Variants in FZR1 observed in about 807,000 individuals in gnomAD.
FZR1 encodes the protein fizzy and cell division cycle 20 related 1, also known as fizzy-related protein homolog.
FZR1 carries 11 observed loss-of-function variants against 63.6 expected under a neutral mutation model. That is an observed-to-expected ratio of 0.17 (90% CI 0.11 to 0.29). The LOEUF is 0.29. FZR1 is among the 10% of genes least tolerant of loss of function. The probability of loss-of-function intolerance (pLI) is 1.00; values close to 1 mark genes in which losing one functional copy is unlikely to be tolerated. For missense variants in FZR1, 440 were observed against 687.5 expected (o/e 0.64, Z 4.03); for synonymous variants, 328 against 297.9 (o/e 1.10, Z -1.04).
At position 3,515,212 on chromosome 19, in the gene FZR1, G is replaced by A. The variant is rs372453743; in HGVS notation, c.-34-7744G>A. On this transcript the variant is annotated intron_variant, in intron 1 of 13. Transcript: ENST00000441788. This position sits in a 1 kb window ranked among gnomAD's most constrained non-coding sequence, Gnocchi z 4.6. ...CACTGATTCACTGCTGATGTGCAGC[G>A]AGGGTCCGGGTTGCTGCTAAACTCC... Among the ~76,000 whole-genome samples the A allele has an allele frequency of 4.6e-5, 7 of 152,334 alleles. No individual in the cohort carries two copies. The highest frequency in any genetic ancestry group is 1.4e-4 in the African/African-American group (6 of 41,576).
At chr19:3,528,800 T>C (rs2083192090) in intron 7 of FZR1, among the ~76,000 whole-genome samples, 1 of 124,184 alleles carries the variant, frequency 8.1e-6, no homozygotes, top group Non-Finnish European at 1.7e-5. Flanking sequence ...GGAGAGTGGA[T>C]GGGTACGTGG....
Position 3,526,694 on chromosome 19 carries a change from G to C in FZR1, c.388-286G>C, listed in dbSNP as rs2083161864. Among the ~76,000 whole-genome samples, 1 of 152,216 alleles carries C rather than the reference G, an allele frequency of 6.6e-6. No homozygotes were observed. The highest frequency in any genetic ancestry group is 1.5e-5 in the Non-Finnish European group (1 of 68,022). ...AAGCCGGTGGGGGTCCTGCCCGTAG[G>C]GGGCAGTACTGGGTCCTCCCACAGG... On this transcript the variant is annotated intron_variant, in intron 5 of 13. Coordinates refer to ENST00000441788, the MANE Select transcript of FZR1 (RefSeq NM_016263.4). The surrounding 1 kb of genome is among the most constrained non-coding windows in gnomAD (Gnocchi z 5.4).
chr19:3,527,104 T>C (rs1395870095), intron 6 of FZR1, 42 bp downstream of exon 6: 1 of 1,444,442 alleles, frequency 6.9e-7, no homozygotes, highest in Non-Finnish European at 9.7e-7. Flanking sequence ...ACTCCCTGTC[T>C]CCCGTCAGCA....
chr19:3,526,215 C>T lies in FZR1; in HGVS notation c.259+32C>T, dbSNP rs2083155951. 1 of 1,611,430 alleles carries T rather than the reference C, an allele frequency of 6.2e-7. No individual in the cohort carries two copies. The highest frequency in any genetic ancestry group is 8.5e-7 in the Non-Finnish European group (1 of 1,179,566). On this transcript the variant is annotated intron_variant, in intron 4 of 13. Coordinates refer to ENST00000441788, the MANE Select transcript of FZR1 (RefSeq NM_016263.4). The surrounding 1 kb of genome is among the most constrained non-coding windows in gnomAD (Gnocchi z 5.4). ...GTCCCAGCCCATCCGCCCTGCAGGC[C>T]CCCACCCTGCCTTGCCCCGCCTCAC...
At chr19:3,519,535 C>T (rs912685334) in intron 1 of FZR1, among the ~76,000 whole-genome samples, 24 of 152,172 alleles carry the variant, frequency 1.6e-4, no homozygotes, top group Non-Finnish European at 2.2e-4. Context: ...GGCTCCCTCA[C>T]CCCTGCTCTG....
Position 3,526,362 on chromosome 19 carries a change from G to A in FZR1, c.363G>A (p.Thr121=), listed in dbSNP as rs760425900. The A allele has an allele frequency of 9.4e-6, 15 of 1,596,516 alleles. No homozygotes were observed. Among genetic ancestry groups the A allele is most frequent in the African/African-American group, 1.3e-5 (1 of 74,402 alleles). The change falls in exon 5 of 14, where the codon ACG becomes ACA. Residue 121 remains threonine, a synonymous_variant. Transcript: ENST00000441788. The surrounding 1 kb of genome is among the most constrained non-coding windows in gnomAD (Gnocchi z 5.4). ...AGGACCGCAGGCTGCAGCCCTCCACGCCTGAGAAGAAGGGTCTGTTCACGG... is the reference window on the plus strand; with the variant it reads ...AGGACCGCAGGCTGCAGCCCTCCACACCTGAGAAGAAGGGTCTGTTCACGG... ...QTEDRRLQPS[T]PEKKGLFTYS...
rs2083150533 is a variant in FZR1 at position 3,525,791 on chromosome 19, G to C, written c.70-77G>C. 4.5e-6 allele frequency: 7 copies of C among 1,539,278 alleles called. No individual in the cohort carries two copies. Among genetic ancestry groups the C allele is most frequent in the Middle Eastern group, 2.2e-4 (1 of 4,578 alleles). On this transcript the variant is annotated intron_variant, in intron 2 of 13. Coordinates refer to ENST00000441788, the MANE Select transcript of FZR1 (RefSeq NM_016263.4). This position sits in a 1 kb window ranked among gnomAD's most constrained non-coding sequence, Gnocchi z 4.2. ...AGCCCCCTTTGCTCAGTGGCCAGAG[G>C]CTGAGAGAGGCTGGCCTGGGGGCAC...
In FZR1 at chr19:3,533,037, G is replaced by A. The variant is rs2083263653; in HGVS notation, c.1243-257G>A. Among the ~76,000 whole-genome samples the A allele has an allele frequency of 6.6e-6, 1 of 152,152 alleles. No homozygotes were observed. Among genetic ancestry groups the A allele is most frequent in the African/African-American group, 2.4e-5 (1 of 41,444 alleles). On this transcript the variant is annotated intron_variant, in intron 11 of 13. Coordinates refer to ENST00000441788, the MANE Select transcript of FZR1 (RefSeq NM_016263.4). This position sits in a 1 kb window ranked among gnomAD's most constrained non-coding sequence, Gnocchi z 4.9. ...GTCTCGGGGGTGACTTGCAGGTGGG[G>A]CAGAGGGGCTGTGGGCCCCGTTTGG...
intron 11 of FZR1, 44 bp downstream of exon 11, chr19:3,532,694 C>T (rs745843990): frequency 8.1e-6 from 11 of 1,357,224 alleles, no homozygotes; most frequent in African/African-American, 5.8e-5. Context: ...TCAGGATGTG[C>T]GTCCTGCTGG....
At position 3,514,792 on chromosome 19, in the gene FZR1, C is replaced by T. The variant is rs2083046745; in HGVS notation, c.-34-8164C>T. Among the ~76,000 whole-genome samples the T allele has an allele frequency of 6.6e-6, 1 of 152,150 alleles. No homozygotes were observed. The highest frequency in any genetic ancestry group is 6.5e-5 in the Admixed American group (1 of 15,280). ...TTTTTTCCACATATTTATCCCAGGG[C>T]GTCTCCCTCTGTACGGGGGCCCTGT... On this transcript the variant is annotated intron_variant, in intron 1 of 13. Coordinates refer to ENST00000441788, the MANE Select transcript of FZR1 (RefSeq NM_016263.4). This position sits in a 1 kb window ranked among gnomAD's most constrained non-coding sequence, Gnocchi z 4.2.
chr19:3,522,579 C>G (rs1233534146), intron 1 of FZR1, among the ~76,000 whole-genome samples: 1 of 152,188 alleles, frequency 6.6e-6, no homozygotes, highest in Non-Finnish European at 1.5e-5. Context: ...CCGTTGCAGA[C>G]GCACACGCAC....
At chr19:3,508,604 G>A (rs1347824685) in intron 1 of FZR1, among the ~76,000 whole-genome samples, 1 of 152,210 alleles carries the variant, frequency 6.6e-6, no homozygotes, top group Non-Finnish European at 1.5e-5. Context: ...TTGGTTCTGA[G>A]GACCTTTTGC....
intron 1 of FZR1, among the ~76,000 whole-genome samples, chr19:3,519,529 C>T (rs2083083156): frequency 6.6e-6 from 1 of 152,162 alleles, no homozygotes; most frequent in Admixed American, 6.5e-5. Context: ...AGCAGGGGCT[C>T]CCTCACCCCT....
At chr19:3,506,578 C>G (rs2082984609) in intron 1 of FZR1, 104 bp downstream of exon 1, 1 of 151,820 alleles carries the variant, frequency 6.6e-6, no homozygotes, top group Non-Finnish European at 1.5e-5. Flanking sequence ...GACCCCCACC[C>G]CAGCTCAGGC....
chr19:3,521,922 TCATAG>T (rs1229226486), intron 1 of FZR1, among the ~76,000 whole-genome samples: 6 of 150,774 alleles, frequency 4.0e-5, no homozygotes, highest in Non-Finnish European at 8.8e-5. Flanking sequence ...AGTGGCATGA[TCATAG>T]CTTACTGCAG....
Position 3,532,101 on chromosome 19 carries a change from C to A in FZR1, c.1008+6C>A. 6.7e-7 allele frequency: 1 copy of A among 1,498,152 alleles called. No individual in the cohort carries two copies. Among genetic ancestry groups the A allele is most frequent in the Non-Finnish European group, 8.9e-7 (1 of 1,124,230 alleles). 92.8% of individuals were successfully genotyped at this position (1,498,152 alleles called of 1,614,324 possible). On this transcript the variant is annotated splice_donor_region_variant and intron_variant, in intron 10 of 13. Transcript: ENST00000441788. ...CGGGGGGCAACGACAACAAGGTACC[C>A]CCGCCCAGAGCCTGGGCTTCCCCTT...
At chr19:3,513,397 A>T (rs554936059) in intron 1 of FZR1, among the ~76,000 whole-genome samples, 1 of 152,240 alleles carries the variant, frequency 6.6e-6, no homozygotes, top group Admixed American at 6.5e-5. Context: ...TGAGTCTAGG[A>T]CACTTCGCCT....
At position 3,514,986 on chromosome 19, in the gene FZR1, G is replaced by A. The variant is rs1040202521; in HGVS notation, c.-34-7970G>A. Among the ~76,000 whole-genome samples the A allele has an allele frequency of 8.5e-5, 13 of 152,162 alleles. No homozygotes were observed. The highest frequency in any genetic ancestry group is 1.3e-4 in the Non-Finnish European group (9 of 68,006). ...CCCTATGAGCTGGCCCAGGGGGTTT[G>A]CAGGACCCACAGGGCAGTGCCCTGC... On this transcript the variant is annotated intron_variant, in intron 1 of 13. Coordinates refer to ENST00000441788, the MANE Select transcript of FZR1 (RefSeq NM_016263.4). This position sits in a 1 kb window ranked among gnomAD's most constrained non-coding sequence, Gnocchi z 4.2.
intron 1 of FZR1, among the ~76,000 whole-genome samples, chr19:3,509,378 A>G (rs2083008480): frequency 6.6e-6 from 1 of 151,636 alleles, no homozygotes; most frequent in Non-Finnish European, 1.5e-5. Flanking sequence ...AACGGTGAAC[A>G]CCCCCACTCT....
Sources: allele counts gnomAD v4.1 joint callset (sites outside exome capture counted in the v4.1 genomes callset), GRCh38; gene constraint gnomAD v4.1.1; non-coding constraint Gnocchi (gnomAD v3.1); transcripts MANE v1.5; gene names NCBI Gene and HGNC (gene_info 2026-07-23, HGNC 2026-07-21).